The following DOCK4 variants were observed in gnomAD, a reference collection of about 807,000 sequenced individuals.
The protein encoded by DOCK4 is dedicator of cytokinesis protein 4.
A neutral mutation model predicts 268.1 loss-of-function variants in DOCK4; 97 were observed. The ratio of observed to expected loss-of-function variants is 0.36; its 90% CI spans 0.31 to 0.43. DOCK4 has a LOEUF of 0.43. Among genes scored for constraint, DOCK4 ranks in the 20% least tolerant of loss-of-function variants. DOCK4 has a pLI of 1.00. For synonymous variants in DOCK4, 954 were observed against 887.2 expected (o/e 1.08, Z -1.34); for missense variants, 2,145 against 2,455.7 (o/e 0.87, Z 2.67).
rs869052136 is a variant in DOCK4 at position 111,762,762 on chromosome 7, C to CTTTTTTTTTTTTTTTT, written c.4020+2340_4020+2355dup. Among the ~76,000 whole-genome samples, 110 of 63,040 alleles carry CTTTTTTTTTTTTTTTT rather than the reference C, an allele frequency of 1.7e-3. 8 individuals are homozygous for CTTTTTTTTTTTTTTTT. The highest frequency in any genetic ancestry group is 2.1e-3 in the African/African-American group (38 of 18,358). The allele number at this position is 63,040 out of a possible 152,430, so 41.4% of individuals were successfully genotyped here. ...TAAATAACCCATTTTGTTTTGTTTTCTTTTTTTTTTTTTTTTTTTTTTTTG... is the reference window on the plus strand; with the variant it reads ...TAAATAACCCATTTTGTTTTGTTTTCTTTTTTTTTTTTTTTTTTTTTTTTTTTTTTTTTTTTTTTTG... On this transcript the variant is annotated intron_variant, in intron 39 of 52. Transcript: ENST00000428084.
intron 1 of DOCK4, among the ~76,000 whole-genome samples, chr7:112,204,895 A>ACG (rs757155006): frequency 4.0e-5 from 6 of 151,896 alleles, no homozygotes; most frequent in Non-Finnish European, 7.4e-5. Context: ...ACACACACAC[A>ACG]CACACACACA....
At chr7:112,054,747 G>A (rs1028211437) in intron 1 of DOCK4, among the ~76,000 whole-genome samples, 8 of 152,030 alleles carry the variant, frequency 5.3e-5, no homozygotes, top group African/African-American at 1.7e-4. Context: ...TTATTTAGAA[G>A]TTTTATTCCA....
At chr7:111,731,260 G>A (rs1248923324) in intron 52 of DOCK4, among the ~76,000 whole-genome samples, 1 of 152,194 alleles carries the variant, frequency 6.6e-6, no homozygotes, top group Non-Finnish European at 1.5e-5. Context: ...TGCGGGGGGA[G>A]GCGGGTTGTT....
At chr7:112,050,313 G>T (rs895723752) in intron 1 of DOCK4, among the ~76,000 whole-genome samples, 1 of 152,094 alleles carries the variant, frequency 6.6e-6, no homozygotes, top group Admixed American at 6.6e-5. Context: ...CTGGACTATG[G>T]AGGAGGCTCT....
intron 1 of DOCK4, among the ~76,000 whole-genome samples, chr7:112,113,742 T>C (rs894276513): frequency 5.2e-5 from 1 of 19,290 alleles, no homozygotes; most frequent in Non-Finnish European, 8.5e-5. Context: ...TGATTTTTTT[T>C]TTTTTTTTTT....
chr7:112,059,377 C>T (rs189677678), intron 1 of DOCK4, among the ~76,000 whole-genome samples: 280 of 152,112 alleles, frequency 1.8e-3, no homozygotes, highest in African/African-American at 5.1e-3. Flanking sequence ...CTCCTGTCTT[C>T]GTGATCCATC....
At position 112,006,191 on chromosome 7, in the gene DOCK4, A is replaced by G. The variant is rs892370651; in HGVS notation, c.38-2060T>C. On this transcript the variant is annotated intron_variant, in intron 1 of 52. Coordinates refer to ENST00000428084, the MANE Select transcript of DOCK4 (RefSeq NM_001363540.2). Reference sequence around the variant, plus strand: ...TTACCTGTGTGACCTCGGTCAGGATATCAACCTCTCAGAATCTCCACATCC... The same window carrying G: ...TTACCTGTGTGACCTCGGTCAGGATGTCAACCTCTCAGAATCTCCACATCC... 2.6e-5 allele frequency among the ~76,000 whole-genome samples: 4 copies of G among 152,140 alleles called. No individual in the cohort carries two copies. In the East Asian group the frequency reaches 7.7e-4, roughly 29 times the overall value.
At chr7:112,043,121 T>C (rs576813201) in intron 1 of DOCK4, among the ~76,000 whole-genome samples, 26 of 152,054 alleles carry the variant, frequency 1.7e-4, no homozygotes, top group Non-Finnish European at 3.4e-4. Flanking sequence ...TATTCTGTTA[T>C]AGCAACAGAC....
At chr7:111,934,517 G>GT (rs1219563532) in intron 12 of DOCK4, among the ~76,000 whole-genome samples, 3 of 89,472 alleles carry the variant, frequency 3.4e-5, no homozygotes, top group South Asian at 3.6e-4. Context: ...GTTTTGTTTT[G>GT]TTTTTGTTTT....
chr7:112,114,725 G>A (rs1237536070), intron 1 of DOCK4, among the ~76,000 whole-genome samples: 1 of 140,678 alleles, frequency 7.1e-6, no homozygotes, highest in Non-Finnish European at 1.6e-5. Context: ...ACATTCTTAA[G>A]TGAAACTCCT....
chr7:111,933,282 A>G (rs1182290349), intron 12 of DOCK4, among the ~76,000 whole-genome samples: 1 of 114,374 alleles, frequency 8.7e-6, no homozygotes, highest in Non-Finnish European at 1.7e-5. Flanking sequence ...ATATATACAT[A>G]TATATATATA....
intron 1 of DOCK4, chr7:112,023,797 T>C (rs951025956): frequency 4.0e-6 from 1 of 252,342 alleles, no homozygotes; most frequent in South Asian, 4.5e-5. Context: ...CAATTAATTG[T>C]ATGTCTTTAA....
intron 1 of DOCK4, among the ~76,000 whole-genome samples, chr7:112,101,696 T>C (rs58162781): frequency 0.053 from 8,029 of 152,302 alleles, 509 homozygotes; most frequent in East Asian, 0.34. Flanking sequence ...ATTTTTCCTT[T>C]TGCTCTTAAA....
chr7:111,972,987 C>T (rs1243846155), intron 8 of DOCK4, among the ~76,000 whole-genome samples: 1 of 151,602 alleles, frequency 6.6e-6, no homozygotes, highest in Non-Finnish European at 1.5e-5. Context: ...CGTATCATTC[C>T]TATGCCTTTA....
At chr7:111,853,993 G>A (rs1804798460) in intron 23 of DOCK4, among the ~76,000 whole-genome samples, 1 of 151,746 alleles carries the variant, frequency 6.6e-6, no homozygotes, top group Non-Finnish European at 1.5e-5. Context: ...GAGTGCAGTG[G>A]CATGATCTCG....
At chr7:111,946,503 A>G (rs1469153995) in intron 8 of DOCK4, among the ~76,000 whole-genome samples, 1 of 152,344 alleles carries the variant, frequency 6.6e-6, no homozygotes, top group East Asian at 1.9e-4. Context: ...AGTGCCACCT[A>G]GATTTAATGA....
intron 1 of DOCK4, among the ~76,000 whole-genome samples, chr7:112,150,426 T>C (rs1815948993): frequency 6.6e-6 from 1 of 152,158 alleles, no homozygotes; most frequent in Admixed American, 6.6e-5. Context: ...GCTCATTCTG[T>C]CTATGCCCCT....
At chr7:111,914,031 T>A (rs1221708704) in intron 13 of DOCK4, among the ~76,000 whole-genome samples, 1 of 152,084 alleles carries the variant, frequency 6.6e-6, no homozygotes, top group African/African-American at 2.4e-5. Flanking sequence ...GGGCCTAGAA[T>A]CATTAGCATT....
intron 27 of DOCK4, chr7:111,821,323 T>A (rs955308437): frequency 2.6e-5 from 4 of 152,038 alleles, no homozygotes; most frequent in Non-Finnish European, 1.5e-5. Context: ...AGCATGAGGG[T>A]GTTGGCGTTT....
Sources: gnomAD v4.1 joint callset for allele counts (sites outside exome capture counted in the v4.1 genomes callset) on GRCh38, gnomAD v4.1.1 for gene constraint, MANE v1.5 for transcripts, NCBI Gene and HGNC (gene_info 2026-07-23, HGNC 2026-07-21) for gene names.